Variants in PALLD observed in about 807,000 individuals in gnomAD.
PALLD encodes palladin, cytoskeletal associated protein, also known as palladin.
In PALLD, 61 loss-of-function variants were observed where a neutral mutation model predicts 123.5. The observed-to-expected ratio is 0.49, with a 90% CI of 0.40 to 0.61. PALLD has a LOEUF of 0.61. Among genes scored for constraint, PALLD ranks in the 20% least tolerant of loss-of-function variants. The probability of loss-of-function intolerance (pLI) is 0.00; values close to 1 mark genes in which losing one functional copy is unlikely to be tolerated. For synonymous variants in PALLD, 465 were observed against 496.4 expected, an observed-to-expected ratio of 0.94 and a Z score of 0.84; for missense variants, 1,273 against 1,377.0, an observed-to-expected ratio of 0.92 and a Z score of 1.20.
At chr4:168,910,942 C>T (rs1560906568) in intron 15 of PALLD, among the ~76,000 whole-genome samples, 2 of 152,084 alleles carry the variant, frequency 1.3e-5, no homozygotes, top group Admixed American at 6.6e-5. Flanking sequence ...TGCTGGGGTC[C>T]GCCAAGCTGC....
At chr4:168,510,286 A>G (rs10471183) in intron 1 of PALLD, among the ~76,000 whole-genome samples, 44,804 of 152,098 alleles carry the variant, frequency 0.29, 6,706 homozygotes, top group Non-Finnish European at 0.33. Flanking sequence ...ACAGATAATG[A>G]AATACCTTTT....
chr4:168,695,992 T>C (rs1783095576), intron 8 of PALLD, among the ~76,000 whole-genome samples: 2 of 152,220 alleles, frequency 1.3e-5, no homozygotes, highest in South Asian at 4.2e-4. Flanking sequence ...AAGAATTACC[T>C]GGGGTCACAT....
Position 168,560,511 on chromosome 4 carries a change from A to G in PALLD, c.908+48099A>G, listed in dbSNP as rs148356465. Among the ~76,000 whole-genome samples, 140 of 152,366 alleles carry G rather than the reference A, an allele frequency of 9.2e-4. 1 individual carries two copies. The highest frequency in any genetic ancestry group is 3.3e-3 in the African/African-American group (138 of 41,580). ...ACTTTCTCTTAAAAGTTTCATTTAAATTGGAAGACGAAGAGTATGAGTATC... is the reference window on the plus strand; with the variant it reads ...ACTTTCTCTTAAAAGTTTCATTTAAGTTGGAAGACGAAGAGTATGAGTATC... On this transcript the variant is annotated intron_variant, in intron 2 of 21. Transcript: ENST00000505667.
intron 2 of PALLD, among the ~76,000 whole-genome samples, chr4:168,558,120 C>T (rs926452501): frequency 6.6e-6 from 1 of 152,198 alleles, no homozygotes; most frequent in Non-Finnish European, 1.5e-5. Flanking sequence ...TCATCTTCAG[C>T]CTTTTTCTGA....
intron 2 of PALLD, among the ~76,000 whole-genome samples, chr4:168,587,437 T>C (rs1770946195): frequency 6.6e-6 from 1 of 152,154 alleles, no homozygotes; most frequent in Non-Finnish European, 1.5e-5. Context: ...CAGGACTCCT[T>C]GGCTAAAGCA....
intron 2 of PALLD, among the ~76,000 whole-genome samples, chr4:168,661,850 A>C (rs1315994270): frequency 6.6e-6 from 1 of 152,226 alleles, no homozygotes; most frequent in Non-Finnish European, 1.5e-5. Flanking sequence ...GCTATAGATA[A>C]ATGAGAGTTG....
chr4:168,634,646 C>T (rs1056908929), intron 2 of PALLD, among the ~76,000 whole-genome samples: 6 of 152,218 alleles, frequency 3.9e-5, no homozygotes, highest in Non-Finnish European at 8.8e-5. Context: ...CCGTCTACTC[C>T]AGCACATTCC....
chr4:168,717,631 G>A (rs956223796), intron 10 of PALLD, among the ~76,000 whole-genome samples: 2 of 152,196 alleles, frequency 1.3e-5, no homozygotes, highest in Non-Finnish European at 2.9e-5. Flanking sequence ...GATATCAGGT[G>A]TGAGCCACCA....
chr4:168,552,038 T>C (rs1303036335), intron 2 of PALLD, among the ~76,000 whole-genome samples: 1 of 152,182 alleles, frequency 6.6e-6, no homozygotes, highest in African/African-American at 2.4e-5. Flanking sequence ...ATACATTAAA[T>C]ACATTAGGTA....
rs1483837664 is a variant in PALLD at position 168,883,691 on chromosome 4, G to A, written c.1965-7231G>A. On this transcript the variant is annotated intron_variant, in intron 10 of 21. Transcript: ENST00000505667. The stretch of plus-strand genomic sequence containing the variant: ...AGATGCTTGTGTATATGTTTGAGAT[G>A]TTTTTATCCCAACCACATGAATATT... 2.0e-5 allele frequency among the ~76,000 whole-genome samples: 3 copies of A among 152,180 alleles called. No individual in the cohort carries two copies. In the East Asian group the frequency reaches 5.8e-4, roughly 29 times the overall value.
rs1762647242 is a variant in PALLD, at chr4:168,926,934, G to GC, written c.*754_*755insC. 1 of 219,476 alleles carries GC rather than the reference G, an allele frequency of 4.6e-6. No homozygotes were observed. Among genetic ancestry groups the GC allele is most frequent in the African/African-American group, 2.3e-5 (1 of 44,236 alleles). 13.6% of individuals were successfully genotyped at this position (219,476 alleles called of 1,614,324 possible). A position where few individuals can be genotyped will look rare whatever the true frequency, so the allele number is the denominator to read the frequency against. ...GTTTTTATATTAAATCATAAGGAAGGAACTACTTGCCTTAAATGTTAATAT... is the reference window on the plus strand; with the variant it reads ...GTTTTTATATTAAATCATAAGGAAGGCAACTACTTGCCTTAAATGTTAATAT... On this transcript the variant is annotated 3_prime_UTR_variant, in exon 22 of 22. Transcript: ENST00000505667.
intron 10 of PALLD, among the ~76,000 whole-genome samples, chr4:168,860,860 A>G (rs1312658762): frequency 1.3e-5 from 2 of 152,196 alleles, no homozygotes; most frequent in Non-Finnish European, 2.9e-5. Flanking sequence ...CTAGTCCTCA[A>G]CGTGACTAAA....
chr4:168,584,235 G>A (rs141971067), intron 2 of PALLD, among the ~76,000 whole-genome samples: 264 of 144,428 alleles, frequency 1.8e-3, no homozygotes, highest in East Asian at 0.014. Context: ...TTTTTACCTC[G>A]TCTTCAGTTT....
intron 2 of PALLD, among the ~76,000 whole-genome samples, chr4:168,628,485 C>T (rs1775512859): frequency 6.6e-6 from 1 of 152,120 alleles, no homozygotes. Flanking sequence ...GCCACATTGT[C>T]CCCTTTGCTG....
intron 2 of PALLD, among the ~76,000 whole-genome samples, chr4:168,537,098 A>G (rs1034917193): frequency 4.6e-5 from 7 of 152,214 alleles, no homozygotes; most frequent in Non-Finnish European, 1.0e-4. Flanking sequence ...TGCTGGGATT[A>G]CAGGCGTGAG....
At chr4:168,912,777 T>C (rs550038974) in intron 15 of PALLD, among the ~76,000 whole-genome samples, 104 of 152,322 alleles carry the variant, frequency 6.8e-4, no homozygotes, top group African/African-American at 2.3e-3. Flanking sequence ...CAATAAATTA[T>C]TGTTATCCTA....
At chr4:168,740,672 T>C (rs1353496520) in intron 10 of PALLD, among the ~76,000 whole-genome samples, 1 of 152,222 alleles carries the variant, frequency 6.6e-6, no homozygotes, top group Non-Finnish European at 1.5e-5. Flanking sequence ...AAAACATTAA[T>C]TTAAAAGAGT....
chr4:168,777,644 C>T (rs1735351939), intron 10 of PALLD, among the ~76,000 whole-genome samples: 1 of 152,218 alleles, frequency 6.6e-6, no homozygotes, highest in Non-Finnish European at 1.5e-5. Context: ...GGCTGTTCAT[C>T]TGAGAGCATA....
intron 10 of PALLD, among the ~76,000 whole-genome samples, chr4:168,831,208 A>C (rs1055033926): frequency 5.3e-5 from 8 of 152,234 alleles, no homozygotes; most frequent in African/African-American, 1.9e-4. Context: ...CTAAGCCCAC[A>C]ATCTGTCACA....
Sources: allele counts gnomAD v4.1 joint callset (sites outside exome capture counted in the v4.1 genomes callset), GRCh38; gene constraint gnomAD v4.1.1; transcripts MANE v1.5; gene names NCBI Gene and HGNC (gene_info 2026-07-23, HGNC 2026-07-21).